The following BCL6B variants were observed in gnomAD, a reference collection of about 807,000 sequenced individuals.
BCL6B encodes BCL6B transcription repressor.
A neutral mutation model predicts 44.6 loss-of-function variants in BCL6B; 28 were observed. The observed-to-expected ratio is 0.63, with a 90% CI of 0.47 to 0.86. The LOEUF (loss-of-function observed/expected upper bound fraction) is 0.86, where lower values mean the gene tolerates loss of function less well. Ranked by LOEUF, BCL6B falls within the 40% of genes least tolerant of loss-of-function variation. The pLI, the probability that BCL6B is intolerant of heterozygous loss-of-function variation, is 0.00. For synonymous variants in BCL6B, 268 were observed against 263.6 expected, an observed-to-expected ratio of 1.02 and a Z score of -0.16; for missense variants, 626 against 652.3, an observed-to-expected ratio of 0.96 and a Z score of 0.44.
chr17:7,025,785 C>T (rs575670309), intron 5 of BCL6B, among the ~76,000 whole-genome samples: 1 of 141,292 alleles, frequency 7.1e-6, no homozygotes, highest in African/African-American at 2.6e-5. Context: ...TGCAGTGAGC[C>T]GAGATCACAC....
rs778496005 is a variant in BCL6B at position 7,027,997 on chromosome 17, C to A, written c.*378C>A. On this transcript the variant is annotated 3_prime_UTR_variant, in exon 9 of 9. Coordinates refer to ENST00000293805, the MANE Select transcript of BCL6B (RefSeq NM_181844.4). Reference sequence around the variant, plus strand: ...TTTGGGTGGCACCGGGGCCTTCATTCGATTGCATTTCCCACTCCCCTCTTC... The same window carrying A: ...TTTGGGTGGCACCGGGGCCTTCATTAGATTGCATTTCCCACTCCCCTCTTC... 2.9e-6 allele frequency: 3 copies of A among 1,022,182 alleles called. No individual in the cohort carries two copies. The highest frequency in any genetic ancestry group is 3.5e-6 in the Non-Finnish European group (3 of 852,836). 63.3% of individuals were successfully genotyped at this position (1,022,182 alleles called of 1,614,324 possible).
In BCL6B at chr17:7,027,383, G is replaced by A. The variant is rs969168940; in HGVS notation, c.1324-120G>A. The A allele has an allele frequency of 1.1e-5, 13 of 1,227,980 alleles. No individual in the cohort carries two copies. The African/African-American group carries it at 1.5e-4, about 14-fold the overall frequency. The allele number at this position is 1,227,980 out of a possible 1,614,324, so 76.1% of individuals were successfully genotyped here. A position where few individuals can be genotyped will look rare whatever the true frequency, so the allele number is the denominator to read the frequency against. On this transcript the variant is annotated intron_variant, in intron 8 of 8. Coordinates refer to ENST00000293805, the MANE Select transcript of BCL6B (RefSeq NM_181844.4). The stretch of plus-strand genomic sequence containing the variant: ...CCTGAGGATTTGGGAGGATGTGAGA[G>A]TCAAAGAGCTGATCTTCCGCTGGAT...
chr17:7,025,957 C>G (rs1007456993), intron 5 of BCL6B, among the ~76,000 whole-genome samples: 3 of 151,974 alleles, frequency 2.0e-5, no homozygotes, highest in Non-Finnish European at 4.4e-5. Context: ...GAGTCTCACT[C>G]TGTGGCCAGG....
In BCL6B at chr17:7,028,525, A is replaced by G. The variant is rs1910367732; in HGVS notation, c.*906A>G. On this transcript the variant is annotated 3_prime_UTR_variant, in exon 9 of 9. Coordinates refer to ENST00000293805, the MANE Select transcript of BCL6B (RefSeq NM_181844.4). Reference sequence around the variant, plus strand: ...CAGGTTTTTCTGCAAGATGGTCCAGAATCTAAAATGTCCCATTAATCTGGT... The same window carrying G: ...CAGGTTTTTCTGCAAGATGGTCCAGGATCTAAAATGTCCCATTAATCTGGT... The G allele has an allele frequency of 7.2e-6, 3 of 415,470 alleles. No individual in the cohort carries two copies. In the African/African-American group the frequency reaches 2.8e-4, roughly 39 times the overall value. The allele number at this position is 415,470 out of a possible 1,614,324, so 25.7% of individuals were successfully genotyped here.
rs1172347338 is a variant in BCL6B at position 7,028,105 on chromosome 17, T to G, written c.*486T>G. The G allele has an allele frequency of 2.0e-6, 2 of 987,408 alleles. No homozygotes were observed. Among genetic ancestry groups the G allele is most frequent in the African/African-American group, 3.5e-5 (2 of 57,276 alleles). 61.2% of individuals were successfully genotyped at this position (987,408 alleles called of 1,614,324 possible). The stretch of plus-strand genomic sequence containing the variant: ...CAGAGATTACTAGCCCTTGGCTCTC[T>G]CGTTTGGCTTGGGTATTTTATATTA... On this transcript the variant is annotated 3_prime_UTR_variant, in exon 9 of 9. Coordinates refer to ENST00000293805, the MANE Select transcript of BCL6B (RefSeq NM_181844.4).
In BCL6B at chr17:7,025,101, CAG is replaced by C; in HGVS notation, c.791_792del (p.Gln264LeufsTer26). 6.2e-7 allele frequency: 1 copy of C among 1,614,126 alleles called. No individual in the cohort carries two copies. Among genetic ancestry groups the C allele is most frequent in the Non-Finnish European group, 8.5e-7 (1 of 1,180,002 alleles). ...GCTCTCTCCAACTGCTGCCACTGTG[CAG>C]TTCAAATGTGGGGCTCCAGCCAGTA... ...SRLSPTAATV[Q>X]FKCGAPASTP... On this transcript the variant is annotated frameshift_variant, in exon 5 of 9. Transcript: ENST00000293805. LOFTEE classifies it high-confidence loss of function.
chr17:7,026,769 G>T lies in BCL6B; in HGVS notation c.1119G>T (p.Thr373=), dbSNP rs761383355. Residue 373 remains threonine, a synonymous_variant, in exon 7 of 9, where the codon ACG becomes ACT. Transcript: ENST00000293805. ...ARFNRPANLK[T]HSRIHSGEKP... ...TTAACCGGCCAGCAAACCTGAAAAC[G>T]CACAGCCGCATCCATTCGGGAGAGA... The T allele has an allele frequency of 6.2e-7, 1 of 1,614,168 alleles. No individual in the cohort carries two copies. Among genetic ancestry groups the T allele is most frequent in the Non-Finnish European group, 8.5e-7 (1 of 1,180,042 alleles).
intron 5 of BCL6B, among the ~76,000 whole-genome samples, chr17:7,026,136 G>T (rs993794345): frequency 6.6e-6 from 1 of 152,050 alleles, no homozygotes; most frequent in African/African-American, 2.4e-5. Flanking sequence ...TGGCCAGGAT[G>T]GTCTCCATCT....
In BCL6B at chr17:7,029,492, T is replaced by C. The variant is rs1327333778; in HGVS notation, c.*1873T>C. ...TTCTCCCCATGGCCCCACTGCAGAA[T>C]TAAAGAAGGAAGAAGGGAAGGCGGA... On this transcript the variant is annotated 3_prime_UTR_variant, in exon 9 of 9. Coordinates refer to ENST00000293805, the MANE Select transcript of BCL6B (RefSeq NM_181844.4). 9.5e-7 allele frequency: 1 copy of C among 1,054,414 alleles called. No individual in the cohort carries two copies. 65.3% of individuals were successfully genotyped at this position (1,054,414 alleles called of 1,614,324 possible).
At position 7,023,111 on chromosome 17, in the gene BCL6B, A is replaced by C. The variant is rs1910174006; in HGVS notation, c.-13+12A>C. On this transcript the variant is annotated intron_variant, in intron 1 of 8. Transcript: ENST00000293805. ...CCTGCAGGACGGGGGTAAGAACAAGAGACTGAGGGAGCCAGACTCCTGGGT... is the reference window on the plus strand; with the variant it reads ...CCTGCAGGACGGGGGTAAGAACAAGCGACTGAGGGAGCCAGACTCCTGGGT... 6.5e-6 allele frequency: 1 copy of C among 152,714 alleles called. No individual in the cohort carries two copies. Among genetic ancestry groups the C allele is most frequent in the Non-Finnish European group, 1.5e-5 (1 of 68,328 alleles). 9.5% of individuals were successfully genotyped at this position (152,714 alleles called of 1,614,324 possible). A position where few individuals can be genotyped will look rare whatever the true frequency, so the allele number is the denominator to read the frequency against.
chr17:7,026,859 C>T (rs1480299834), intron 7 of BCL6B, 24 bp downstream of exon 7: 4 of 1,612,782 alleles, frequency 2.5e-6, no homozygotes, highest in South Asian at 2.2e-5. Context: ...CTCCAAGTGG[C>T]TTCCAAGGCA....
Position 7,027,810 on chromosome 17 carries a change from G to T in BCL6B, c.*191G>T. Reference sequence around the variant, plus strand: ...TGGCTAGATCTGCCTCTGTTTTGCTGGTCAAAACCTCTTCCCCACAAGCCA... The same window carrying T: ...TGGCTAGATCTGCCTCTGTTTTGCTTGTCAAAACCTCTTCCCCACAAGCCA... On this transcript the variant is annotated 3_prime_UTR_variant, in exon 9 of 9. Coordinates refer to ENST00000293805, the MANE Select transcript of BCL6B (RefSeq NM_181844.4). 1 of 1,428,088 alleles carries T rather than the reference G, an allele frequency of 7.0e-7. No homozygotes were observed. The highest frequency in any genetic ancestry group is 9.1e-7 in the Non-Finnish European group (1 of 1,095,512). 88.5% of individuals were successfully genotyped at this position (1,428,088 alleles called of 1,614,324 possible). A position where few individuals can be genotyped will look rare whatever the true frequency, so the allele number is the denominator to read the frequency against.
chr17:7,027,928 C>T lies in BCL6B; in HGVS notation c.*309C>T. ...AAGGGAATAGCCCTCCACCTGTGGC[C>T]CCCATTGCATTCAGTTTATCTGTAA... is the stretch of plus-strand genomic sequence containing the variant. On this transcript the variant is annotated 3_prime_UTR_variant, in exon 9 of 9. Coordinates refer to ENST00000293805, the MANE Select transcript of BCL6B (RefSeq NM_181844.4). The T allele has an allele frequency of 8.5e-7, 1 of 1,171,490 alleles. No homozygotes were observed. The highest frequency in any genetic ancestry group is 1.1e-6 in the Non-Finnish European group (1 of 945,036). The allele number at this position is 1,171,490 out of a possible 1,614,324, so 72.6% of individuals were successfully genotyped here.
At chr17:7,026,046 C>G (rs1034712435) in intron 5 of BCL6B, among the ~76,000 whole-genome samples, 2 of 152,072 alleles carry the variant, frequency 1.3e-5, no homozygotes, top group African/African-American at 4.8e-5. Context: ...CTCAGCTTCC[C>G]GAGTAGCTGG....
chr17:7,026,162 C>T (rs1026677553), intron 5 of BCL6B, among the ~76,000 whole-genome samples: 2 of 152,250 alleles, frequency 1.3e-5, no homozygotes, highest in East Asian at 1.9e-4. Flanking sequence ...CCTTGTGATC[C>T]GACCGCCTCG....
At position 7,026,814 on chromosome 17, in the gene BCL6B, G is replaced by A. The variant is rs749339162; in HGVS notation, c.1164G>A (p.Thr388=). Residue 388 remains threonine (T), a synonymous_variant, in exon 7 of 9, where the codon ACG becomes ACA. Transcript: ENST00000293805. ...GAGAGAAGCCGTATAAGTGTGAGAC[G>A]TGCGGCTCGCGCTTTGTACAGGTAC... ...HSGEKPYKCE[T]CGSRFVQVAH... 10 of 1,613,954 alleles carry A rather than the reference G, an allele frequency of 6.2e-6. No individual in the cohort carries two copies. The highest frequency in any genetic ancestry group is 4.4e-5 in the South Asian group (4 of 91,096).
intron 5 of BCL6B, among the ~76,000 whole-genome samples, chr17:7,026,068 C>T (rs916175393): frequency 6.6e-6 from 1 of 152,078 alleles, no homozygotes; most frequent in South Asian, 2.1e-4. Context: ...ACTACAGGCA[C>T]GTGCCACCAC....
chr17:7,024,777 A>G lies in BCL6B; in HGVS notation c.764+14A>G. On this transcript the variant is annotated intron_variant, in intron 4 of 8. Transcript: ENST00000293805. This position sits in a 1 kb window ranked among gnomAD's most constrained non-coding sequence, Gnocchi z 6.6. ...TCCCCAGAGCAGGTACAGAGTCTAG[A>G]ACCTCAAGAATTTGTCAGAGCTGGC... The G allele has an allele frequency of 6.3e-7, 1 of 1,592,140 alleles. No homozygotes were observed.
In BCL6B at chr17:7,025,171, C is replaced by T. The variant is rs1910248982; in HGVS notation, c.860C>T (p.Ser287Leu). 6.2e-7 allele frequency: 1 copy of T among 1,614,094 alleles called. No individual in the cohort carries two copies. The highest frequency in any genetic ancestry group is 8.5e-7 in the Non-Finnish European group (1 of 1,180,042). The change falls in exon 5 of 9, where the codon TCA becomes TTA. Residue 287 changes from serine (S) to leucine (L), a missense_variant. By Grantham distance (145) the Ser-to-Leu change is moderately radical. Coordinates refer to ENST00000293805, the MANE Select transcript of BCL6B (RefSeq NM_181844.4). ...LTSQAQDTSG[S>L]PSERARPLPG... is the part of the protein sequence containing the mutation. ...TCCCAGGCTCAAGACACCTCTGGATCACCCTCTGAACGGGCTCGTCCACTA... is the reference window on the plus strand; with the variant it reads ...TCCCAGGCTCAAGACACCTCTGGATTACCCTCTGAACGGGCTCGTCCACTA...
Sources: gnomAD v4.1 joint callset for allele counts (sites outside exome capture counted in the v4.1 genomes callset) on GRCh38, gnomAD v4.1.1 for gene constraint, Gnocchi (gnomAD v3.1) non-coding constraint, MANE v1.5 for transcripts, NCBI Gene and HGNC (gene_info 2026-07-23, HGNC 2026-07-21) for gene names.